UST: variants seen among roughly 807,000 people sequenced by gnomAD.
UST encodes the protein chondroitin sulfate 2-O-sulfotransferase.
Under a neutral mutation model 45.6 loss-of-function variants are expected in UST, and 21 were observed. The ratio of observed to expected loss-of-function variants is 0.46; its 90% CI spans 0.33 to 0.66. The LOEUF is 0.66. UST is among the 30% of genes least tolerant of loss of function. The pLI is 0.02. For missense variants in UST, 463 were observed against 512.4 expected, an observed-to-expected ratio of 0.90 and a Z score of 0.93; for synonymous variants, 215 against 200.6, an observed-to-expected ratio of 1.07 and a Z score of -0.61.
chr6:149,051,672 T>A (rs1398884040), intron 7 of UST, among the ~76,000 whole-genome samples: 2 of 152,212 alleles, frequency 1.3e-5, no homozygotes, highest in Non-Finnish European at 2.9e-5. Flanking sequence ...TGGTTTCCCC[T>A]TTGTATCTCC....
chr6:148,820,694 C>CA lies in UST; in HGVS notation c.248-66283dup, dbSNP rs1277132608. Among the ~76,000 whole-genome samples the CA allele has an allele frequency of 3.3e-3, 495 of 150,168 alleles. 2 individuals carry two copies. Among genetic ancestry groups the CA allele is most frequent in the African/African-American group, 0.011 (464 of 41,030 alleles). On this transcript the variant is annotated intron_variant, in intron 1 of 7. Coordinates refer to ENST00000367463, the MANE Select transcript of UST (RefSeq NM_005715.3). The stretch of plus-strand genomic sequence containing the variant: ...TGAAACCCCGTCTCTACTAAAAATA[C>CA]AAAAAAAAATTAGCCAGGTGTGGTG...
At chr6:149,017,806 ACACACAC>A (rs1775926508) in intron 5 of UST, among the ~76,000 whole-genome samples, 9 of 81,326 alleles carry the variant, frequency 1.1e-4, no homozygotes, top group Admixed American at 9.6e-4. Flanking sequence ...ATATACACAC[ACACACAC>A]ACACACACAC....
intron 5 of UST, among the ~76,000 whole-genome samples, chr6:148,988,527 T>C (rs887874489): frequency 2.4e-5 from 3 of 126,760 alleles, no homozygotes; most frequent in African/African-American, 9.2e-5. Context: ...TTAGCCAAGA[T>C]CACATTACTG....
intron 7 of UST, among the ~76,000 whole-genome samples, chr6:149,035,336 C>A (rs551513561): frequency 6.6e-6 from 1 of 152,140 alleles, no homozygotes; most frequent in Admixed American, 6.5e-5. Flanking sequence ...ATTTATTCCC[C>A]GCTTTATCTC....
At chr6:148,990,895 G>A (rs1376299523) in intron 5 of UST, among the ~76,000 whole-genome samples, 3 of 152,164 alleles carry the variant, frequency 2.0e-5, no homozygotes, top group Admixed American at 6.5e-5. Flanking sequence ...GAAGCTGATC[G>A]TATCTATTCA....
At chr6:148,985,733 A>C (rs1326986370) in intron 5 of UST, among the ~76,000 whole-genome samples, 1 of 152,186 alleles carries the variant, frequency 6.6e-6, no homozygotes, top group Non-Finnish European at 1.5e-5. Flanking sequence ...GTTCTCTTTC[A>C]GGATCACTTA....
chr6:148,806,131 A>G (rs1294008136), intron 1 of UST, among the ~76,000 whole-genome samples: 1 of 152,112 alleles, frequency 6.6e-6, no homozygotes, highest in African/African-American at 2.4e-5. Flanking sequence ...CTTAGTTTGA[A>G]AGTAGCCCGT....
chr6:148,842,549 T>G (rs1371947935), intron 1 of UST, among the ~76,000 whole-genome samples: 1 of 152,162 alleles, frequency 6.6e-6, no homozygotes, highest in Non-Finnish European at 1.5e-5. Context: ...AGGTCCAGCC[T>G]GTAGAAGGGA....
At chr6:149,032,200 G>A (rs1776155625) in intron 7 of UST, among the ~76,000 whole-genome samples, 1 of 152,164 alleles carries the variant, frequency 6.6e-6, no homozygotes, top group African/African-American at 2.4e-5. Context: ...TGCTGCCGGA[G>A]GGCCTGTGTC....
chr6:148,983,054 G>C (rs1369694460), intron 5 of UST, among the ~76,000 whole-genome samples: 1 of 152,156 alleles, frequency 6.6e-6, no homozygotes, highest in Non-Finnish European at 1.5e-5. Flanking sequence ...AAGCCATATT[G>C]AGCACTGAGA....
At chr6:148,808,181 C>T (rs1405740048) in intron 1 of UST, among the ~76,000 whole-genome samples, 2 of 152,168 alleles carry the variant, frequency 1.3e-5, no homozygotes. Context: ...TGGGTCTCCA[C>T]ACACAGAAAG....
intron 2 of UST, among the ~76,000 whole-genome samples, chr6:148,906,357 G>T (rs906634166): frequency 1.3e-5 from 2 of 152,132 alleles, no homozygotes; most frequent in East Asian, 3.9e-4. Flanking sequence ...AGGATTTCAG[G>T]TTCTTTGATT....
intron 7 of UST, among the ~76,000 whole-genome samples, chr6:149,031,896 C>A (rs899307810): frequency 1.3e-5 from 2 of 152,112 alleles, no homozygotes; most frequent in Non-Finnish European, 2.9e-5. Context: ...TTAAAGGGTG[C>A]GTAGGAGTTT....
intron 4 of UST, among the ~76,000 whole-genome samples, chr6:148,963,616 G>A (rs1780714853): frequency 2.0e-5 from 3 of 152,072 alleles, no homozygotes; most frequent in Admixed American, 2.0e-4. Context: ...TAATTATGTT[G>A]AATTTTGTTT....
At chr6:149,015,387 A>G (rs916553638) in intron 5 of UST, among the ~76,000 whole-genome samples, 2 of 152,210 alleles carry the variant, frequency 1.3e-5, no homozygotes, top group African/African-American at 4.8e-5. Context: ...AGATGATCTC[A>G]TTTCCCTAAT....
At chr6:148,855,643 A>G (rs1778189763) in intron 1 of UST, among the ~76,000 whole-genome samples, 1 of 152,246 alleles carries the variant, frequency 6.6e-6, no homozygotes, top group Non-Finnish European at 1.5e-5. Flanking sequence ...TGGTTTTGGC[A>G]GAAGGCAGTT....
intron 6 of UST, among the ~76,000 whole-genome samples, chr6:149,019,573 A>T (rs1425865481): frequency 1.3e-5 from 2 of 152,190 alleles, no homozygotes; most frequent in Non-Finnish European, 2.9e-5. Context: ...AATGTCACAT[A>T]AAATGTGATC....
At chr6:148,808,560 T>G (rs1254227618) in intron 1 of UST, among the ~76,000 whole-genome samples, 1 of 151,812 alleles carries the variant, frequency 6.6e-6, no homozygotes, top group Non-Finnish European at 1.5e-5. Flanking sequence ...CAGGGTCAGG[T>G]GTGGAATGTG....
At chr6:148,757,209 C>T (rs1776117016) in intron 1 of UST, among the ~76,000 whole-genome samples, 1 of 152,202 alleles carries the variant, frequency 6.6e-6, no homozygotes, top group Non-Finnish European at 1.5e-5. Context: ...CCACTTCTTA[C>T]CTTTGGGCAT....
Sources: allele counts gnomAD v4.1 joint callset (sites outside exome capture counted in the v4.1 genomes callset), GRCh38; gene constraint gnomAD v4.1.1; transcripts MANE v1.5; gene names NCBI Gene and HGNC (gene_info 2026-07-23, HGNC 2026-07-21).